The following ANK3 variants were observed in gnomAD, a reference collection of about 807,000 sequenced individuals.
ANK3 encodes the protein ankyrin-3.
A neutral mutation model predicts 370.9 loss-of-function variants in ANK3; 57 were observed. That is an observed-to-expected ratio of 0.15 (90% CI 0.12 to 0.19). The LOEUF is 0.19. ANK3 is among the 10% of genes least tolerant of loss of function. ANK3 has a pLI of 1.00. For synonymous variants in ANK3, 1,929 were observed against 1,946.3 expected (o/e 0.99, Z 0.23); for missense variants, 4,439 against 5,302.1 (o/e 0.84, Z 5.06).
chr10:60,184,035 T>G (rs970007953), intron 17 of ANK3, among the ~76,000 whole-genome samples: 2 of 152,140 alleles, frequency 1.3e-5, no homozygotes, highest in Non-Finnish European at 2.9e-5. Flanking sequence ...CACTAGCACC[T>G]CAACAATAAC....
chr10:60,282,702 C>T (rs1365521865), intron 1 of ANK3, among the ~76,000 whole-genome samples: 1 of 152,136 alleles, frequency 6.6e-6, no homozygotes, highest in Non-Finnish European at 1.5e-5. Context: ...TCTGAGATAG[C>T]TAATTGACCA....
chr10:60,480,991 G>A (rs1042388412), intron 2 of ANK3, among the ~76,000 whole-genome samples: 5 of 152,104 alleles, frequency 3.3e-5, no homozygotes, highest in African/African-American at 4.8e-5. Context: ...TGCACACACC[G>A]ACAGATGATT....
intron 30 of ANK3, 147 bp from the exon 31 acceptor site, chr10:60,085,400 T>C: frequency 2.0e-6 from 1 of 488,680 alleles, no homozygotes; most frequent in East Asian, 3.3e-5. Flanking sequence ...AAAGGTAGTT[T>C]TCCTCTCTAC....
At chr10:60,609,564 T>C (rs2078175309) in intron 2 of ANK3, among the ~76,000 whole-genome samples, 2 of 151,630 alleles carry the variant, frequency 1.3e-5, no homozygotes, top group South Asian at 4.2e-4. Flanking sequence ...CCAACTATGG[T>C]AGATTCAAAA....
intron 23 of ANK3, among the ~76,000 whole-genome samples, chr10:60,156,026 C>G (rs530821712): frequency 6.6e-6 from 1 of 152,212 alleles, no homozygotes; most frequent in Non-Finnish European, 1.5e-5. Context: ...ATCAATTCTC[C>G]TAATAGACTC....
At chr10:60,125,868 T>C (rs1239283403) in intron 25 of ANK3, among the ~76,000 whole-genome samples, 2 of 152,204 alleles carry the variant, frequency 1.3e-5, no homozygotes, top group Admixed American at 6.5e-5. Flanking sequence ...TTCACACTAC[T>C]TGCTAACATA....
chr10:60,230,661 T>C (rs947919661), intron 8 of ANK3, among the ~76,000 whole-genome samples: 5 of 152,260 alleles, frequency 3.3e-5, no homozygotes, highest in African/African-American at 9.6e-5. Context: ...GAGGCTGAGA[T>C]GGGCAGATCA....
rs1275886989 is a variant in ANK3 at position 60,641,745 on chromosome 10, C to A, written c.58-26521G>T. Reference sequence around the variant, plus strand: ...GGCAAGGACTTCATGTCTAAAACACCAAAAGCAATGGCAACAAAAGCCAAA... The same window carrying A: ...GGCAAGGACTTCATGTCTAAAACACAAAAAGCAATGGCAACAAAAGCCAAA... On this transcript the variant is annotated intron_variant, in intron 1 of 43. Transcript: ENST00000373827. Among the ~76,000 whole-genome samples the A allele has an allele frequency of 3.3e-5, 5 of 152,136 alleles. No individual in the cohort carries two copies. In the East Asian group the frequency reaches 7.7e-4, roughly 24 times the overall value.
chr10:60,565,015 C>A (rs1319068285), intron 2 of ANK3, among the ~76,000 whole-genome samples: 1 of 151,910 alleles, frequency 6.6e-6, no homozygotes, highest in Non-Finnish European at 1.5e-5. Flanking sequence ...CTCAAGGGAC[C>A]AAGTCTTCAG....
At position 60,694,696 on chromosome 10, in the gene ANK3, C is replaced by A. The variant is rs1477823059; in HGVS notation, c.57+38567G>T. On this transcript the variant is annotated intron_variant, in intron 1 of 43. Transcript: ENST00000373827. The stretch of plus-strand genomic sequence containing the variant: ...AAAATACTTTACAGACAAGCAAATG[C>A]TGAGAGATTTTGTCACCACCAGGCC... 2.2e-4 allele frequency among the ~76,000 whole-genome samples: 33 copies of A among 151,992 alleles called. 1 individual carries two copies. The highest frequency in any genetic ancestry group is 2.1e-3 in the Admixed American group (32 of 15,260).
intron 2 of ANK3, among the ~76,000 whole-genome samples, chr10:60,569,349 C>T (rs2077537657): frequency 6.6e-6 from 1 of 152,102 alleles, no homozygotes. Context: ...CAGTAGCTGC[C>T]TCAGGTACAT....
rs112629989 is a variant in ANK3, at chr10:60,655,206, A to T, written c.58-39982T>A. Among the ~76,000 whole-genome samples the T allele has an allele frequency of 4.0e-3, 547 of 138,218 alleles. 6 individuals carry two copies. The highest frequency in any genetic ancestry group is 0.015 in the African/African-American group (514 of 34,716). 90.7% of individuals were successfully genotyped at this position (138,218 alleles called of 152,430 possible). A position where few individuals can be genotyped will look rare whatever the true frequency, so the allele number is the denominator to read the frequency against. On this transcript the variant is annotated intron_variant, in intron 1 of 43. Coordinates refer to the ANK3 transcript ENST00000373827. ...TTTTAGAGCATACTCCTATTTATTT[A>T]AAAAAAAAAAAGAAAAAAAGGTTAA...
At chr10:60,273,444 T>G (rs955824355) in intron 4 of ANK3, among the ~76,000 whole-genome samples, 2 of 152,030 alleles carry the variant, frequency 1.3e-5, no homozygotes, top group Non-Finnish European at 2.9e-5. Flanking sequence ...CACTATCTAA[T>G]TCTAGAATAT....
At chr10:60,402,605 A>G (rs560982178) in intron 2 of ANK3, among the ~76,000 whole-genome samples, 45 of 152,364 alleles carry the variant, frequency 3.0e-4, no homozygotes, top group African/African-American at 9.9e-4. Flanking sequence ...AATGTATAAA[A>G]AAGAACAAAA....
chr10:60,298,638 A>G (rs1542462), intron 1 of ANK3, among the ~76,000 whole-genome samples: 93,254 of 151,990 alleles, frequency 0.61, 28,836 homozygotes, highest in South Asian at 0.77. Flanking sequence ...CAGCATGCCC[A>G]CCAAAACAGA....
chr10:60,669,547 CA>C (rs1490920080), intron 1 of ANK3, among the ~76,000 whole-genome samples: 1 of 152,114 alleles, frequency 6.6e-6, no homozygotes, highest in Non-Finnish European at 1.5e-5. Context: ...CCTGGGGAAT[CA>C]CTAATGATCT....
intron 23 of ANK3, 44 bp downstream of exon 23, chr10:60,166,547 G>T: frequency 7.2e-7 from 1 of 1,394,238 alleles, no homozygotes; most frequent in Non-Finnish European, 1.0e-6. Flanking sequence ...GAAAGATAAA[G>T]TTGGTAGTAG....
chr10:60,277,731 A>T (rs1409479937), intron 4 of ANK3, among the ~76,000 whole-genome samples: 1 of 152,180 alleles, frequency 6.6e-6, no homozygotes, highest in Admixed American at 6.5e-5. Flanking sequence ...GTTCTCCAAT[A>T]TCACTTTCCT....
At chr10:60,689,754 C>CA (rs10676088) in intron 1 of ANK3, among the ~76,000 whole-genome samples, 37,644 of 107,884 alleles carry the variant, frequency 0.35, 5,789 homozygotes, top group South Asian at 0.54. Context: ...GACTTCATCT[C>CA]AAAAAAAAAA....
Sources: gnomAD v4.1 joint callset for allele counts (sites outside exome capture counted in the v4.1 genomes callset) on GRCh38, gnomAD v4.1.1 for gene constraint, MANE v1.5 for transcripts, NCBI Gene and HGNC (gene_info 2026-07-23, HGNC 2026-07-21) for gene names.